Variants in PPM1K observed in about 807,000 individuals in gnomAD.
The protein encoded by PPM1K is protein phosphatase Mn(2+)-dependent 1K.
PPM1K carries 19 observed loss-of-function variants against 32.6 expected under a neutral mutation model. The observed-to-expected ratio is 0.58, with a 90% CI of 0.41 to 0.86. The LOEUF (loss-of-function observed/expected upper bound fraction) is 0.86. Among genes scored for constraint, PPM1K ranks in the 40% least tolerant of loss-of-function variants. PPM1K has a pLI of 0.00. For missense variants in PPM1K, 362 were observed against 461.2 expected, an observed-to-expected ratio of 0.78 and a Z score of 1.97; for synonymous variants, 159 against 165.3, an observed-to-expected ratio of 0.96 and a Z score of 0.29.
chr4:88,266,425 G>A (rs1438848087), intron 5 of PPM1K, among the ~76,000 whole-genome samples: 1 of 151,924 alleles, frequency 6.6e-6, no homozygotes, highest in African/African-American at 2.4e-5. Context: ...TTGGGTGCAG[G>A]TGATGCTGGC....
At position 88,262,668 on chromosome 4, in the gene PPM1K, C is replaced by T; in HGVS notation, c.1046G>A (p.Trp349Ter). 6.2e-7 allele frequency: 1 copy of T among 1,614,116 alleles called. No homozygotes were observed. The highest frequency in any genetic ancestry group is 8.5e-7 in the Non-Finnish European group (1 of 1,180,008). Residue 349 changes from tryptophan to a stop codon, truncating the protein, a stop_gained, in exon 7 of 7, where the codon TGG becomes TAG. Transcript: ENST00000608933. LOFTEE classifies it high-confidence loss of function. ...GATTTCAGAGTTCTTATATTTTCCC[C>T]AGGCACCAAAAGGCACTACTACTGC... ...STAVVVPFGA[W>*]GKYKNSEINF...
chr4:88,275,707 CAG>C, intron 3 of PPM1K: 1 of 985,370 alleles, frequency 1.0e-6, no homozygotes, highest in Non-Finnish European at 1.2e-6. Context: ...GAGACATAGC[CAG>C]ATGCACAGCC....
At position 88,278,229 on chromosome 4, in the gene PPM1K, C is replaced by T. The variant is rs1464901208; in HGVS notation, c.355G>A (p.Glu119Lys). The T allele has an allele frequency of 6.2e-7, 1 of 1,614,188 alleles. No homozygotes were observed. The highest frequency in any genetic ancestry group is 8.5e-7 in the Non-Finnish European group (1 of 1,180,028). ...TCATACACTGCAAAGTACAGGACCT[C>T]ATCTGTCAGCTGAGCGAAGTCAAAC... is the stretch of plus-strand genomic sequence containing the variant. The part of the protein sequence containing the change: ...DRFDFAQLTD[E>K]VLYFAVYDGH... Residue 119 changes from glutamate (E) to lysine (K), a missense_variant, in exon 2 of 7, where the codon GAG (glutamate) becomes AAG (lysine). Physicochemically the swap from Glu to Lys is moderately conservative, Grantham distance 56 (BLOSUM62 1). Transcript: ENST00000608933. This position sits in a 1 kb window ranked among gnomAD's most constrained non-coding sequence, Gnocchi z 4.2.
At chr4:88,272,260 T>A (rs897191896) in intron 3 of PPM1K, among the ~76,000 whole-genome samples, 1 of 152,206 alleles carries the variant, frequency 6.6e-6, no homozygotes, top group African/African-American at 2.4e-5. Flanking sequence ...CTTTTGGCTG[T>A]CCCGGCATAG....
At chr4:88,264,861 G>A (rs960185956) in intron 6 of PPM1K, 140 bp downstream of exon 6, 3 of 905,088 alleles carry the variant, frequency 3.3e-6, no homozygotes, top group Non-Finnish European at 1.6e-6. Context: ...TTTAACTTGG[G>A]GAAATAAAAA....
rs369916009 is a variant in PPM1K, at chr4:88,278,507, C to A, written c.77G>T (p.Arg26Leu). Residue 26 changes from arginine (R) to leucine (L), a missense_variant, in exon 2 of 7, where the codon CGC (arginine) becomes CTC (leucine). Coordinates refer to ENST00000608933, the MANE Select transcript of PPM1K (RefSeq NM_152542.5). The surrounding 1 kb of genome is among the most constrained non-coding windows in gnomAD (Gnocchi z 4.2). ...CACCCGCCTGTCGTCCTGCAGCAGG[C>A]GGGAGCTTAGCAGCACTCTCCTTCT... ...QVRRRVLLSS[R>L]LLQDDRRVTP... 6.2e-7 allele frequency: 1 copy of A among 1,614,130 alleles called. No individual in the cohort carries two copies. Among genetic ancestry groups the A allele is most frequent in the Non-Finnish European group, 8.5e-7 (1 of 1,180,028 alleles).
chr4:88,280,884 A>G (rs1731980536), intron 1 of PPM1K, among the ~76,000 whole-genome samples: 2 of 152,234 alleles, frequency 1.3e-5, no homozygotes, highest in Non-Finnish European at 2.9e-5. Flanking sequence ...AGAGAGAAAT[A>G]ACACATTCCA....
chr4:88,278,133 A>G lies in PPM1K; in HGVS notation c.440+11T>C. On this transcript the variant is annotated intron_variant, in intron 2 of 6. Transcript: ENST00000608933. The surrounding 1 kb of genome is among the most constrained non-coding windows in gnomAD (Gnocchi z 4.2). Reference sequence around the variant, plus strand: ...AACTGCAAAGTCAGGAGTGAAAGTCATTGTACATACATAATACATTTCTCC... The same window carrying G: ...AACTGCAAAGTCAGGAGTGAAAGTCGTTGTACATACATAATACATTTCTCC... 1 of 1,603,120 alleles carries G rather than the reference A, an allele frequency of 6.2e-7. No homozygotes were observed. The highest frequency in any genetic ancestry group is 1.3e-5 in the African/African-American group (1 of 74,856).
rs1387571254 is a variant in PPM1K, at chr4:88,278,162, T to G, written c.422A>C (p.His141Pro). The G allele has an allele frequency of 6.2e-7, 1 of 1,613,388 alleles. No individual in the cohort carries two copies. Among genetic ancestry groups the G allele is most frequent in the African/African-American group, 1.3e-5 (1 of 74,922 alleles). ...TACATACATAATACATTTCTCCATG[T>G]GGGTATGACAGAAATCAGCTGCTGC... ...GPAAADFCHTHMEKCIMDLLP... is the reference protein window; with the variant it reads ...GPAAADFCHTPMEKCIMDLLP... Residue 141 changes from histidine (H) to proline (P), a missense_variant, in exon 2 of 7, where the codon CAC (histidine) becomes CCC (proline). Transcript: ENST00000608933. This position sits in a 1 kb window ranked among gnomAD's most constrained non-coding sequence, Gnocchi z 4.2.
chr4:88,268,247 T>C lies in PPM1K; in HGVS notation c.795A>G (p.Gly265=), dbSNP rs553979279. The C allele has an allele frequency of 6.2e-7, 1 of 1,614,116 alleles. No individual in the cohort carries two copies. The highest frequency in any genetic ancestry group is 8.5e-7 in the Non-Finnish European group (1 of 1,180,000). Residue 265 remains glycine, a synonymous_variant, in exon 5 of 7, where the codon GGA becomes GGG. Transcript: ENST00000608933. ...NGRLAMTRSI[G]DLDLKTSGVI... is the part of the protein sequence containing the mutation. Reference sequence around the variant, plus strand: ...CACCACTGGTCTTAAGGTCCAAATCTCCAATACTTCTTGTCATTGCAAGCC... The same window carrying C: ...CACCACTGGTCTTAAGGTCCAAATCCCCAATACTTCTTGTCATTGCAAGCC...
chr4:88,280,812 G>A (rs1731976918), intron 1 of PPM1K, among the ~76,000 whole-genome samples: 1 of 152,040 alleles, frequency 6.6e-6, no homozygotes, highest in African/African-American at 2.4e-5. Context: ...TCACACCACT[G>A]CACTCCAGCC....
intron 1 of PPM1K, chr4:88,284,129 C>G (rs1167437257): frequency 7.0e-6 from 1 of 142,052 alleles, no homozygotes; most frequent in African/African-American, 2.5e-5. Flanking sequence ...GCAGTCTGGG[C>G]TGGAAACCCG....
chr4:88,268,181 CT>C lies in PPM1K; in HGVS notation c.852+8del. On this transcript the variant is annotated splice_region_variant and intron_variant, in intron 5 of 6. Coordinates refer to ENST00000608933, the MANE Select transcript of PPM1K (RefSeq NM_152542.5). ...CAGGTTTATCAAGTGTTTGCAGGTC[CT>C]TTCTTACCTTAATCCTCTTAGTTTC... 1.2e-6 allele frequency: 2 copies of C among 1,613,822 alleles called. No individual in the cohort carries two copies. Among genetic ancestry groups the C allele is most frequent in the Non-Finnish European group, 1.7e-6 (2 of 1,179,812 alleles).
chr4:88,276,625 T>C, intron 3 of PPM1K: 3 of 984,662 alleles, frequency 3.0e-6, no homozygotes, highest in Non-Finnish European at 3.6e-6. Flanking sequence ...GACAGAAAAA[T>C]ATTTTCCTTC....
At position 88,259,888 on chromosome 4, in the gene PPM1K, G is replaced by GT. The variant is rs1246078220; in HGVS notation, c.*2706dup. On this transcript the variant is annotated 3_prime_UTR_variant, in exon 7 of 7. Coordinates refer to ENST00000608933, the MANE Select transcript of PPM1K (RefSeq NM_152542.5). ...AGCCTGGACAACAAAGTGAGACTCTGTAACTATAAAAAACAAAAACAGACA... is the reference window on the plus strand; with the variant it reads ...AGCCTGGACAACAAAGTGAGACTCTGTTAACTATAAAAAACAAAAACAGACA... 2.0e-5 allele frequency: 3 copies of GT among 152,102 alleles called. No individual in the cohort carries two copies. The highest frequency in any genetic ancestry group is 6.6e-5 in the Admixed American group (1 of 15,266). 9.4% of individuals were successfully genotyped at this position (152,102 alleles called of 1,614,324 possible).
At chr4:88,268,123 G>A in intron 5 of PPM1K, 67 bp downstream of exon 5, 1 of 1,529,976 alleles carries the variant, frequency 6.5e-7, no homozygotes, top group East Asian at 2.3e-5. Context: ...TCCAAGAAAG[G>A]TGCAGCAGAG....
At chr4:88,282,893 T>C (rs867761395) in intron 1 of PPM1K, among the ~76,000 whole-genome samples, 13 of 152,366 alleles carry the variant, frequency 8.5e-5, no homozygotes, top group African/African-American at 2.6e-4. Flanking sequence ...GTCTATTATG[T>C]CACCAGCCAC....
At chr4:88,282,624 A>G (rs1732058529) in intron 1 of PPM1K, among the ~76,000 whole-genome samples, 2 of 152,226 alleles carry the variant, frequency 1.3e-5, no homozygotes, top group Admixed American at 1.3e-4. Flanking sequence ...GGAGGAAGGG[A>G]AAGAAAATTT....
At chr4:88,268,438 C>T (rs540114300) in intron 4 of PPM1K, 104 bp from the exon 5 acceptor site, 284 of 1,318,406 alleles carry the variant, frequency 2.2e-4, no homozygotes, top group South Asian at 4.1e-4. Context: ...CTGGCTAACA[C>T]GGTGAAACCC....
Sources: allele counts gnomAD v4.1 joint callset (sites outside exome capture counted in the v4.1 genomes callset), GRCh38; gene constraint gnomAD v4.1.1; non-coding constraint Gnocchi (gnomAD v3.1); transcripts MANE v1.5; gene names NCBI Gene and HGNC (gene_info 2026-07-23, HGNC 2026-07-21).